Variants in RASGRP2 observed in about 807,000 individuals in gnomAD.
RASGRP2 encodes RAS guanyl releasing protein 2.
A neutral mutation model predicts 71.0 loss-of-function variants in RASGRP2; 44 were observed. The observed-to-expected ratio is 0.62, with a 90% CI of 0.49 to 0.80. The LOEUF is 0.80. Among genes scored for constraint, RASGRP2 ranks in the 30% least tolerant of loss-of-function variants. The pLI, the probability that RASGRP2 is intolerant of heterozygous loss-of-function variation, is 0.00. For missense variants in RASGRP2, 663 were observed against 813.4 expected (o/e 0.82, Z 2.25); for synonymous variants, 350 against 330.7 (o/e 1.06, Z -0.63).
chr11:64,729,710 AAAC>A (rs2135728422), intron 14 of RASGRP2, 49 bp downstream of exon 14: 4 of 1,594,076 alleles, frequency 2.5e-6, no homozygotes, highest in East Asian at 2.3e-5. Flanking sequence ...CCAAACAAAC[AAAC>A]AAAAAAAAAA....
chr11:64,740,765 A>C, intron 5 of RASGRP2, 183 bp downstream of exon 5: 1 of 772,214 alleles, frequency 1.3e-6, no homozygotes, highest in Non-Finnish European at 2.3e-6. Context: ...GTGGCAGTGG[A>C]AGATGAGGCA....
chr11:64,743,291 G>A lies in RASGRP2; in HGVS notation c.-71-354C>T. 2.1e-6 allele frequency: 1 copy of A among 466,654 alleles called. No individual in the cohort carries two copies. The highest frequency in any genetic ancestry group is 4.3e-6 in the Non-Finnish European group (1 of 234,652). 28.9% of individuals were successfully genotyped at this position (466,654 alleles called of 1,614,324 possible). A position where few individuals can be genotyped will look rare whatever the true frequency, so the allele number is the denominator to read the frequency against. ...CTGCAGCACCCCGCAGCTCGGCTCT[G>A]CGCCCCTCCCGCTTCCCTCCCTCCA... On this transcript the variant is annotated intron_variant, in intron 1 of 16. Transcript: ENST00000394432. The surrounding 1 kb of genome is among the most constrained non-coding windows in gnomAD (Gnocchi z 4.9).
Position 64,742,121 on chromosome 11 carries a change from G to C in RASGRP2, c.74-9C>G, listed in dbSNP as rs1160500521. 1 of 1,575,384 alleles carries C rather than the reference G, an allele frequency of 6.3e-7. No homozygotes were observed. Among genetic ancestry groups the C allele is most frequent in the African/African-American group, 1.4e-5 (1 of 74,024 alleles). ...CACCTTCCCGGAGTCATCTGACTCC[G>C]AAGGGTCAAAGACAGGTGGCTGAGC... On this transcript the variant is annotated splice_polypyrimidine_tract_variant and intron_variant, in intron 2 of 16. Coordinates refer to ENST00000394432, the MANE Select transcript of RASGRP2 (RefSeq NM_001098671.2). The surrounding 1 kb of genome is among the most constrained non-coding windows in gnomAD (Gnocchi z 4.7).
chr11:64,729,796 G>A lies in RASGRP2; in HGVS notation c.1557C>T (p.Ile519=), dbSNP rs1241179327. The change falls in exon 14 of 17, where the codon ATC becomes ATT. Residue 519 remains isoleucine (I), a splice_region_variant and synonymous_variant. Coordinates refer to ENST00000394432, the MANE Select transcript of RASGRP2 (RefSeq NM_001098671.2). ...TGAGGCCCTGCTTGTAGATGCCCAG[G>A]ATCTGCAATAGAGGAGGGGCCGTGG... The part of the protein sequence containing the change: ...PVACRHCKAL[I]LGIYKQGLKC... The A allele has an allele frequency of 6.2e-7, 1 of 1,614,092 alleles. No individual in the cohort carries two copies. Among genetic ancestry groups the A allele is most frequent in the Admixed American group, 1.7e-5 (1 of 60,026 alleles).
rs1419754045 is a variant in RASGRP2 at position 64,730,100 on chromosome 11, C to T, written c.1507G>A (p.Glu503Lys). ...GRMGFVHNFQ[E>K]SNSLRPVACR... Reference sequence around the variant, plus strand: ...GCGACGGGGCGCAAGGAGTTGCTCTCCTGGAAGTTGTGTACGAAGCCCATG... The same window carrying T: ...GCGACGGGGCGCAAGGAGTTGCTCTTCTGGAAGTTGTGTACGAAGCCCATG... Residue 503 changes from glutamate to lysine, a missense_variant, in exon 13 of 17, where the codon GAG becomes AAG. Transcript: ENST00000394432. The T allele has an allele frequency of 1.9e-6, 3 of 1,550,738 alleles. No homozygotes were observed. Among genetic ancestry groups the T allele is most frequent in the Middle Eastern group, 1.9e-4 (1 of 5,278 alleles).
At chr11:64,732,589 C>A (rs142642832) in intron 12 of RASGRP2, among the ~76,000 whole-genome samples, 4 of 151,708 alleles carry the variant, frequency 2.6e-5, no homozygotes, top group Non-Finnish European at 4.4e-5. Flanking sequence ...GTCTGGAGGT[C>A]GAGACCACGG....
At chr11:64,728,641 G>A (rs796973462) in intron 15 of RASGRP2, among the ~76,000 whole-genome samples, 3 of 151,848 alleles carry the variant, frequency 2.0e-5, no homozygotes, top group Non-Finnish European at 4.4e-5. Context: ...CACCGTGTTA[G>A]CCAGGATGGT....
In RASGRP2 at chr11:64,742,016, A is replaced by G; in HGVS notation, c.170T>C (p.Leu57Pro). The change falls in exon 3 of 17, where the codon CTC (leucine) becomes CCC (proline). Residue 57 changes from leucine (L) to proline (P), a missense_variant. Physicochemically the swap from Leu to Pro is moderately conservative, Grantham distance 98. Transcript: ENST00000394432. The surrounding 1 kb of genome is among the most constrained non-coding windows in gnomAD (Gnocchi z 4.7). ...IPSSQLAAKL[L>P]HIYQQSRKDN... Reference sequence around the variant, plus strand: ...CAAGGCCGGCGAAGGATATATGTGGAGCAGCTTGGCCGCCAGCTGAGAGGA... The same window carrying G: ...CAAGGCCGGCGAAGGATATATGTGGGGCAGCTTGGCCGCCAGCTGAGAGGA... The G allele has an allele frequency of 2.5e-6, 4 of 1,609,078 alleles. No homozygotes were observed. The highest frequency in any genetic ancestry group is 3.4e-6 in the Non-Finnish European group (4 of 1,177,676).
Position 64,735,510 on chromosome 11 carries a change from C to G in RASGRP2, c.1296+32G>C. 1 of 1,613,510 alleles carries G rather than the reference C, an allele frequency of 6.2e-7. No individual in the cohort carries two copies. The highest frequency in any genetic ancestry group is 8.5e-7 in the Non-Finnish European group (1 of 1,180,030). ...AGTGCTCCGGCAAACTGGCCTCTCC[C>G]CACACACTGCTCAGGCTCCGCAGGA... On this transcript the variant is annotated intron_variant, in intron 11 of 16. Coordinates refer to ENST00000394432, the MANE Select transcript of RASGRP2 (RefSeq NM_001098671.2). This position sits in a 1 kb window ranked among gnomAD's most constrained non-coding sequence, Gnocchi z 4.2.
chr11:64,736,794 G>A lies in RASGRP2; in HGVS notation c.1054C>T (p.Pro352Ser). ...AGGTCGGGGTTGGCCTGTACTGGTG[G>A]CCGCAGGCTGGTCACCATGGCCAGC... The part of the protein sequence containing the change: ...EELAMVTSLR[P>S]PVQANPDLLS... Residue 352 changes from proline to serine, a missense_variant, in exon 9 of 17, where the codon CCA (proline) becomes TCA (serine). By Grantham distance (74) the Pro-to-Ser change is moderately conservative (BLOSUM62 -1). Transcript: ENST00000394432. The A allele has an allele frequency of 1.9e-6, 3 of 1,605,378 alleles. No individual in the cohort carries two copies. The highest frequency in any genetic ancestry group is 2.5e-6 in the Non-Finnish European group (3 of 1,176,886).
Position 64,743,737 on chromosome 11 carries a change from AG to A in RASGRP2, c.-72+265del, listed in dbSNP as rs996868031. On this transcript the variant is annotated intron_variant, in intron 1 of 16. Coordinates refer to ENST00000394432, the MANE Select transcript of RASGRP2 (RefSeq NM_001098671.2). This position sits in a 1 kb window ranked among gnomAD's most constrained non-coding sequence, Gnocchi z 4.9. ...AGCGCGCACGGAGCAGGGTGTCCAG[AG>A]GGGGGCGCTCGCGCCAAGGGTGGCC... is the stretch of plus-strand genomic sequence containing the variant. 4 of 319,028 alleles carry A rather than the reference AG, an allele frequency of 1.3e-5. No homozygotes were observed. Among genetic ancestry groups the A allele is most frequent in the Non-Finnish European group, 1.2e-5 (2 of 164,614 alleles). The allele number at this position is 319,028 out of a possible 1,614,324, so 19.8% of individuals were successfully genotyped here. A position where few individuals can be genotyped will look rare whatever the true frequency, so the allele number is the denominator to read the frequency against.
chr11:64,740,998 T>C lies in RASGRP2; in HGVS notation c.321A>G (p.Leu107=). Residue 107 remains leucine (L), a synonymous_variant, in exon 5 of 17, where the codon CTA becomes CTG. Transcript: ENST00000394432. ...AEQIKELKAL[L]DQEGNRRHSS... is the part of the protein sequence containing the mutation. Reference sequence around the variant, plus strand: ...TGTGCCGTCGGTTCCCTTCTTGGTCTAGCAGAGCCTTCAGCTCCTTGATCT... The same window carrying C: ...TGTGCCGTCGGTTCCCTTCTTGGTCCAGCAGAGCCTTCAGCTCCTTGATCT... 1.9e-6 allele frequency: 3 copies of C among 1,613,948 alleles called. No homozygotes were observed. The highest frequency in any genetic ancestry group is 1.7e-4 in the Middle Eastern group (1 of 6,004).
chr11:64,739,674 G>T lies in RASGRP2; in HGVS notation c.658C>A (p.Arg220=). ...ACAAAGTGTGTGATGACCAGGGCCC[G>T]CTGCGGGGCTGTGGGTTTGCTGAGG... ...MILSKPTAPQ[R]ALVITHFVHV... Residue 220 remains arginine, a synonymous_variant, in exon 7 of 17, where the codon CGG becomes AGG. Transcript: ENST00000394432. This position sits in a 1 kb window ranked among gnomAD's most constrained non-coding sequence, Gnocchi z 4.2. The T allele has an allele frequency of 6.2e-7, 1 of 1,613,960 alleles. No individual in the cohort carries two copies. The highest frequency in any genetic ancestry group is 8.5e-7 in the Non-Finnish European group (1 of 1,179,932).
chr11:64,739,256 C>T lies in RASGRP2; in HGVS notation c.813+104G>A, dbSNP rs1195043557. On this transcript the variant is annotated intron_variant, in intron 8 of 16. Coordinates refer to ENST00000394432, the MANE Select transcript of RASGRP2 (RefSeq NM_001098671.2). The surrounding 1 kb of genome is among the most constrained non-coding windows in gnomAD (Gnocchi z 4.2). ...CTTAACCCCTCTGAGCCTCCATTTC[C>T]ATATCTATCAAATGAGGACAGCTGT... 2.2e-6 allele frequency: 2 copies of T among 898,692 alleles called. No individual in the cohort carries two copies. The highest frequency in any genetic ancestry group is 3.3e-5 in the African/African-American group (2 of 61,128). The allele number at this position is 898,692 out of a possible 1,614,324, so 55.7% of individuals were successfully genotyped here.
Position 64,739,862 on chromosome 11 carries a change from TAGCCACTCCTCACCCTCC to T in RASGRP2, c.523-71_523-54del. 6.2e-7 allele frequency: 1 copy of T among 1,610,480 alleles called. No homozygotes were observed. Among genetic ancestry groups the T allele is most frequent in the East Asian group, 2.2e-5 (1 of 44,830 alleles). On this transcript the variant is annotated intron_variant, in intron 6 of 16. Transcript: ENST00000394432. This position sits in a 1 kb window ranked among gnomAD's most constrained non-coding sequence, Gnocchi z 4.2. ...CCTTGCTGGCCTCTCCCCTCACTGA[TAGCCACTCCTCACCCTCC>T]AGCTGACCTTCAGTGGTTACACTGA...
At chr11:64,740,624 G>A (rs2058090857) in intron 5 of RASGRP2, 2 of 652,662 alleles carry the variant, frequency 3.1e-6, no homozygotes, top group Non-Finnish European at 2.8e-6. Context: ...CCTGAACTGA[G>A]TCTTGGTAAC....
upstream of RASGRP2, chr11:64,745,371 G>A (rs2058268677): frequency 1.3e-5 from 2 of 152,646 alleles, no homozygotes; most frequent in Admixed American, 6.5e-5. Context: ...GGGACAGCTG[G>A]TCCTTGAGAT....
At position 64,727,346 on chromosome 11, in the gene RASGRP2, C is replaced by G. The variant is rs375127966; in HGVS notation, c.1786G>C (p.Glu596Gln). 4 of 1,613,930 alleles carry G rather than the reference C, an allele frequency of 2.5e-6. No homozygotes were observed. Among genetic ancestry groups the G allele is most frequent in the Non-Finnish European group, 3.4e-6 (4 of 1,179,910 alleles). ...ACCCCATCCTCCACCGTCTGTACCT[C>G]CTCCTCACGGATCTCTGCTGGGAGG... Reference protein sequence around the residue: ...GSRPPEIREEEVQTVEDGVFD... With the variant: ...GSRPPEIREEQVQTVEDGVFD... The change falls in exon 16 of 17, where the codon GAG becomes CAG. Residue 596 changes from glutamate to glutamine, a missense_variant. Transcript: ENST00000394432.
intron 15 of RASGRP2, among the ~76,000 whole-genome samples, chr11:64,728,582 C>A (rs1475838426): frequency 1.3e-5 from 2 of 152,138 alleles, no homozygotes; most frequent in Non-Finnish European, 2.9e-5. Flanking sequence ...CGTCCGCCAC[C>A]ACGCCTGGCT....
Sources: gnomAD v4.1 joint callset for allele counts (sites outside exome capture counted in the v4.1 genomes callset) on GRCh38, gnomAD v4.1.1 for gene constraint, Gnocchi (gnomAD v3.1) non-coding constraint, MANE v1.5 for transcripts, NCBI Gene and HGNC (gene_info 2026-07-23, HGNC 2026-07-21) for gene names.